Variants in TMEM74 observed in about 807,000 individuals in gnomAD.
TMEM74 encodes transmembrane protein 74.
Under a neutral mutation model 18.1 loss-of-function variants are expected in TMEM74, and 13 were observed. The ratio of observed to expected loss-of-function variants is 0.72; its 90% confidence interval spans 0.47 to 1.14. TMEM74 has a LOEUF of 1.14. TMEM74 is among the 50% of genes most tolerant of loss of function. The probability of loss-of-function intolerance (pLI) is 0.00; values close to 1 mark genes in which losing one functional copy is unlikely to be tolerated. For missense variants in TMEM74, 372 were observed against 375.9 expected (o/e 0.99, Z 0.09); for synonymous variants, 159 against 146.6 (o/e 1.08, Z -0.61).
intron 2 of TMEM74, among the ~76,000 whole-genome samples, chr8:108,629,515 C>G (rs912604392): frequency 6.6e-5 from 10 of 151,674 alleles, no homozygotes; most frequent in Non-Finnish European, 1.5e-5. Context: ...CAAGAGCAAC[C>G]CCAAGACACA....
At chr8:108,649,388 TA>T (rs1437092212) in intron 2 of TMEM74, among the ~76,000 whole-genome samples, 1 of 152,008 alleles carries the variant, frequency 6.6e-6, no homozygotes, top group Non-Finnish European at 1.5e-5. Context: ...AGATGGCAAA[TA>T]AAAAGTAGGA....
intron 2 of TMEM74, among the ~76,000 whole-genome samples, chr8:108,616,675 A>T (rs1298841852): frequency 1.3e-5 from 2 of 152,136 alleles, no homozygotes; most frequent in African/African-American, 4.8e-5. Flanking sequence ...AAGACACACC[A>T]ACACATACCA....
intron 2 of TMEM74, among the ~76,000 whole-genome samples, chr8:108,617,992 T>A (rs1812402642): frequency 6.6e-6 from 1 of 152,096 alleles, no homozygotes; most frequent in African/African-American, 2.4e-5. Context: ...GAATGATTCA[T>A]CCCTATCTTT....
intron 1 of TMEM74, among the ~76,000 whole-genome samples, chr8:108,731,571 G>A (rs1388194109): frequency 6.6e-6 from 1 of 152,110 alleles, no homozygotes; most frequent in East Asian, 1.9e-4. Context: ...AGGTGATAGA[G>A]AGCATGAATA....
At chr8:108,733,563 A>G (rs1436089561) in intron 1 of TMEM74, among the ~76,000 whole-genome samples, 1 of 152,192 alleles carries the variant, frequency 6.6e-6, no homozygotes, top group African/African-American at 2.4e-5. Flanking sequence ...CTTGATAACA[A>G]TGTAGTTTAC....
intron 1 of TMEM74, among the ~76,000 whole-genome samples, chr8:108,785,462 A>G (rs1241963857): frequency 6.6e-6 from 1 of 152,218 alleles, no homozygotes; most frequent in Non-Finnish European, 1.5e-5. Context: ...CTGCAAAAGG[A>G]TCCCTCAAAC....
At position 108,635,160 on chromosome 8, in the gene TMEM74, C is replaced by T. The variant is rs557596666; in HGVS notation, n.264+20133G>A. ...TATCTGTTAAAAAAGTAACCCTTGG[C>T]TCCTCCCTCAAATTTCTCTCCTCAT... On this transcript the variant is annotated intron_variant and non_coding_transcript_variant, in intron 2 of 3. Transcript: ENST00000518838. 8.6e-5 allele frequency among the ~76,000 whole-genome samples: 13 copies of T among 152,028 alleles called. No individual in the cohort carries two copies. The East Asian group carries it at 2.1e-3, about 25-fold the overall frequency.
In TMEM74 at chr8:108,628,392, G is replaced by A. The variant is rs139288027; in HGVS notation, n.265-19566C>T. Among the ~76,000 whole-genome samples, 418 of 152,100 alleles carry A rather than the reference G, an allele frequency of 2.7e-3. 2 individuals are homozygous for A. Among genetic ancestry groups the A allele is most frequent in the Admixed American group, 4.1e-3 (63 of 15,248 alleles). On this transcript the variant is annotated intron_variant and non_coding_transcript_variant, in intron 2 of 3. Transcript: ENST00000518838. ...GACACCAACTAAGTGTCCTGTAATT[G>A]AATTCAATTTTGATACTATCTACCT...
chr8:108,628,999 A>G (rs1361807950), intron 2 of TMEM74, among the ~76,000 whole-genome samples: 1 of 151,722 alleles, frequency 6.6e-6, no homozygotes, highest in African/African-American at 2.4e-5. Context: ...TTTTTCTTGT[A>G]AGTTTGTTTA....
Position 108,746,190 on chromosome 8 carries a change from C to A in TMEM74, n.119+41286G>T, listed in dbSNP as rs1006860485. Among the ~76,000 whole-genome samples the A allele has an allele frequency of 3.9e-5, 6 of 152,086 alleles. No individual in the cohort carries two copies. In the South Asian group the frequency reaches 1.2e-3, roughly 32 times the overall value. On this transcript the variant is annotated intron_variant and non_coding_transcript_variant, in intron 1 of 3. Transcript: ENST00000518838. The stretch of plus-strand genomic sequence containing the variant: ...TGTCTGCAACATTTCAATGTTGTCC[C>A]AAGGAAAATCATTTAAGAGGGGAGG...
chr8:108,784,732 G>T lies in TMEM74; in HGVS notation c.367C>A (p.Arg123=), dbSNP rs908102751. Residue 123 remains arginine (R), a synonymous_variant, in exon 2 of 2, where the codon CGG becomes AGG. Transcript: ENST00000297459. ...YVDKNINLEQ[R]NRSSPSAKGH... is the part of the protein sequence containing the mutation. ...TTTGCTGATGGCGAGCTCCGGTTCCGCTGCTCCAAGTTGATGTTTTTGTCC... is the reference window on the plus strand; with the variant it reads ...TTTGCTGATGGCGAGCTCCGGTTCCTCTGCTCCAAGTTGATGTTTTTGTCC... 2 of 1,614,008 alleles carry T rather than the reference G, an allele frequency of 1.2e-6. No individual in the cohort carries two copies. The highest frequency in any genetic ancestry group is 2.7e-5 in the African/African-American group (2 of 74,888).
chr8:108,640,880 C>T (rs1812659154), intron 2 of TMEM74, among the ~76,000 whole-genome samples: 1 of 152,098 alleles, frequency 6.6e-6, no homozygotes, highest in Non-Finnish European at 1.5e-5. Flanking sequence ...TCCAGGGATG[C>T]TATTAACAAC....
intron 1 of TMEM74, among the ~76,000 whole-genome samples, chr8:108,706,797 G>GTGTGTGTGTC (rs1228696505): frequency 1.4e-5 from 2 of 144,628 alleles, no homozygotes; most frequent in Non-Finnish European, 2.9e-5. Context: ...GTGTGTGTGT[G>GTGTGTGTGTC]TGTGTGTGTG....
rs60213902 is a variant in TMEM74, at chr8:108,760,973, AGT to A, written n.119+26501_119+26502del. Reference sequence around the variant, plus strand: ...CGGGGTTCTTTTTAAGTGGTTTTGGAGTGTGTGTGTGTGTGTGTGTGTGTTAA... The same window carrying A: ...CGGGGTTCTTTTTAAGTGGTTTTGGAGTGTGTGTGTGTGTGTGTGTGTTAA... On this transcript the variant is annotated intron_variant and non_coding_transcript_variant, in intron 1 of 3. Coordinates refer to the TMEM74 transcript ENST00000518838. Among the ~76,000 whole-genome samples, 670 of 148,898 alleles carry A rather than the reference AGT, an allele frequency of 4.5e-3. 4 individuals carry two copies. Among genetic ancestry groups the A allele is most frequent in the African/African-American group, 0.015 (601 of 40,578 alleles).
chr8:108,766,923 T>C (rs780500898), intron 1 of TMEM74, among the ~76,000 whole-genome samples: 16 of 152,168 alleles, frequency 1.1e-4, no homozygotes, highest in Non-Finnish European at 1.9e-4. Context: ...AGGAGAAAGA[T>C]GAAGGCCGGA....
At chr8:108,749,329 G>C (rs896631024) in intron 1 of TMEM74, among the ~76,000 whole-genome samples, 12 of 152,188 alleles carry the variant, frequency 7.9e-5, no homozygotes, top group African/African-American at 2.2e-4. Flanking sequence ...TGATTTCCTT[G>C]AGCAGTGGTT....
At chr8:108,725,385 G>A (rs948919886) in intron 1 of TMEM74, among the ~76,000 whole-genome samples, 2 of 152,122 alleles carry the variant, frequency 1.3e-5, no homozygotes, top group Non-Finnish European at 2.9e-5. Flanking sequence ...AAGGAAAATA[G>A]GGGCTCAAAA....
chr8:108,748,733 A>T (rs1554576909), intron 1 of TMEM74, among the ~76,000 whole-genome samples: 1 of 141,932 alleles, frequency 7.0e-6, no homozygotes, highest in African/African-American at 2.6e-5. Context: ...TTTGGGTTTT[A>T]CGTTTAAGTC....
intron 1 of TMEM74, among the ~76,000 whole-genome samples, chr8:108,702,524 C>G (rs556204574): frequency 6.6e-6 from 1 of 152,082 alleles, no homozygotes; most frequent in Admixed American, 6.5e-5. Flanking sequence ...ACACCCTTCA[C>G]AAAAATTAAT....
Sources: allele counts gnomAD v4.1 joint callset (sites outside exome capture counted in the v4.1 genomes callset), GRCh38; gene constraint gnomAD v4.1.1; transcripts MANE v1.5; gene names NCBI Gene and HGNC (gene_info 2026-07-23, HGNC 2026-07-21).